TCF4: variants seen among roughly 807,000 people sequenced by gnomAD.
TCF4 encodes the protein SL3-3 enhancer factor 2.
In TCF4, 3 loss-of-function variants were observed where a neutral mutation model predicts 82.1. The ratio of observed to expected loss-of-function variants is 0.04; its 90% CI spans 0.02 to 0.09. TCF4 has a LOEUF of 0.09. Among genes scored for constraint, TCF4 ranks in the 10% least tolerant of loss-of-function variants. The pLI is 1.00. For synonymous variants in TCF4, 276 were observed against 309.6 expected (o/e 0.89, Z 1.14); for missense variants, 518 against 852.7 (o/e 0.61, Z 4.89).
chr18:55,402,169 T>C, intron 6 of TCF4: 4 of 985,486 alleles, frequency 4.1e-6, no homozygotes, highest in Non-Finnish European at 4.8e-6. Flanking sequence ...CCAAGCACTG[T>C]TCACCTCAAT....
chr18:55,567,050 T>C (rs1174183461), intron 3 of TCF4, among the ~76,000 whole-genome samples: 1 of 151,838 alleles, frequency 6.6e-6, no homozygotes, highest in Admixed American at 6.6e-5. Flanking sequence ...CAGAAAACAG[T>C]AGAATAAAAC....
chr18:55,261,737 C>T (rs534557386), intron 11 of TCF4, among the ~76,000 whole-genome samples: 1 of 152,232 alleles, frequency 6.6e-6, no homozygotes, highest in South Asian at 2.1e-4. Context: ...AAACCTGACA[C>T]CTTGGTTTAA....
intron 3 of TCF4, among the ~76,000 whole-genome samples, chr18:55,531,375 T>C (rs4572488): frequency 0.67 from 102,450 of 152,072 alleles, 34,883 homozygotes; most frequent in East Asian, 0.92. Flanking sequence ...GTGTTTACCA[T>C]GATGATTGGT....
chr18:55,380,371 C>T (rs568986231), intron 6 of TCF4, among the ~76,000 whole-genome samples: 1 of 152,140 alleles, frequency 6.6e-6, no homozygotes, highest in African/African-American at 2.4e-5. Flanking sequence ...CTGCACCCAT[C>T]AACCCGTCAT....
At chr18:55,362,339 GAGGAAGGAAGGAAGGAAGGAAGGAAGGA>G (rs765447444) in intron 6 of TCF4, among the ~76,000 whole-genome samples, 1 of 68,566 alleles carries the variant, frequency 1.5e-5, no homozygotes, top group Non-Finnish European at 2.6e-5. Context: ...AAAAAAAAAA[GAGGAAGGAAGGAAGGAAGGAAGGAAGGA>G]AGGAAGGAAG....
chr18:55,273,647 AAAC>A (rs1332302068), intron 10 of TCF4, among the ~76,000 whole-genome samples: 1 of 152,180 alleles, frequency 6.6e-6, no homozygotes, highest in Non-Finnish European at 1.5e-5. Flanking sequence ...GTCTCCTTTA[AAAC>A]AAAAACTCTA....
intron 17 of TCF4, chr18:55,230,109 C>T (rs1299759797): frequency 7.1e-6 from 1 of 141,790 alleles, no homozygotes; most frequent in Non-Finnish European, 1.5e-5. Flanking sequence ...CAGGCCACTG[C>T]ACTCCAGCCT....
chr18:55,259,001 G>C (rs541019873), intron 13 of TCF4, among the ~76,000 whole-genome samples: 9 of 152,250 alleles, frequency 5.9e-5, no homozygotes, highest in South Asian at 2.1e-4. Context: ...CGGAGGCTTG[G>C]AAGAGGTTGA....
chr18:55,581,428 C>A (rs563442481), intron 3 of TCF4, among the ~76,000 whole-genome samples: 118 of 151,938 alleles, frequency 7.8e-4, no homozygotes, highest in Non-Finnish European at 1.6e-3. Flanking sequence ...ATGGGTTTAA[C>A]GCCACTGTAC....
At chr18:55,542,080 T>C (rs2097169285) in intron 3 of TCF4, among the ~76,000 whole-genome samples, 1 of 152,018 alleles carries the variant, frequency 6.6e-6, no homozygotes, top group African/African-American at 2.4e-5. Context: ...TGTGCATATC[T>C]ATAAATGTGA....
chr18:55,385,569 T>C (rs543032980), intron 6 of TCF4, among the ~76,000 whole-genome samples: 1 of 152,174 alleles, frequency 6.6e-6, no homozygotes, highest in Admixed American at 6.5e-5. Context: ...ACCCTGCTAA[T>C]TTTGTATTTT....
intron 6 of TCF4, among the ~76,000 whole-genome samples, chr18:55,375,503 C>T (rs902804818): frequency 6.6e-6 from 1 of 152,032 alleles, no homozygotes; most frequent in African/African-American, 2.4e-5. Flanking sequence ...ACCTGTATTC[C>T]ACTATTCTCT....
At chr18:55,261,333 T>G in intron 12 of TCF4, 133 bp downstream of exon 12, 1 of 1,087,754 alleles carries the variant, frequency 9.2e-7, no homozygotes, top group Non-Finnish European at 1.4e-6. Context: ...GTGACTGTTA[T>G]GCAAGAAAGC....
chr18:55,411,682 G>A (rs2094351352), intron 5 of TCF4, among the ~76,000 whole-genome samples: 1 of 152,056 alleles, frequency 6.6e-6, no homozygotes, highest in Non-Finnish European at 1.5e-5. Flanking sequence ...ACAGATTCCT[G>A]GGTTCTCTTC....
chr18:55,627,924 G>T (rs1241207775), intron 2 of TCF4, among the ~76,000 whole-genome samples: 1 of 152,130 alleles, frequency 6.6e-6, no homozygotes, highest in African/African-American at 2.4e-5. Flanking sequence ...GCAGGGCGTG[G>T]TGGCAGGCGC....
At chr18:55,397,694 T>C (rs2093581513) in intron 6 of TCF4, among the ~76,000 whole-genome samples, 1 of 152,170 alleles carries the variant, frequency 6.6e-6, no homozygotes. Flanking sequence ...AATCTGAATA[T>C]GGACTGAGAT....
intron 8 of TCF4, among the ~76,000 whole-genome samples, chr18:55,313,677 TAACA>T (rs2073254787): frequency 6.6e-6 from 1 of 152,108 alleles, no homozygotes; most frequent in African/African-American, 2.4e-5. Flanking sequence ...AGAATTATAA[TAACA>T]AACAATTATT....
rs545405514 is a variant in TCF4, at chr18:55,621,229, T to C, written c.286+10069A>G. On this transcript the variant is annotated intron_variant, in intron 2 of 20. Transcript: ENST00000398339. ...TGGGGATAATTATAGCAACTCCTCA[T>C]AGGGTTCATAGTGAGGAATAAATGA... Among the ~76,000 whole-genome samples the C allele has an allele frequency of 2.8e-4, 43 of 151,158 alleles. 1 individual carries two copies. In the South Asian group the frequency reaches 8.7e-3, roughly 31 times the overall value.
chr18:55,304,131 G>A (rs1345429984), intron 8 of TCF4, among the ~76,000 whole-genome samples: 1 of 152,186 alleles, frequency 6.6e-6, no homozygotes, highest in Non-Finnish European at 1.5e-5. Flanking sequence ...ATAGATATAA[G>A]TAAAGCTAGA....
Sources: gnomAD v4.1 joint callset for allele counts (sites outside exome capture counted in the v4.1 genomes callset) on GRCh38, gnomAD v4.1.1 for gene constraint, MANE v1.5 for transcripts, NCBI Gene and HGNC (gene_info 2026-07-23, HGNC 2026-07-21) for gene names.